Variants in KCNIP4 observed in about 807,000 individuals in gnomAD.
The protein encoded by KCNIP4 is Kv channel-interacting protein 4.
KCNIP4 carries 12 observed loss-of-function variants against 34.0 expected under a neutral mutation model. The ratio of observed to expected loss-of-function variants is 0.35; its 90% confidence interval spans 0.23 to 0.57. The LOEUF (loss-of-function observed/expected upper bound fraction) is 0.57, where lower values mean the gene tolerates loss of function less well. Among genes scored for constraint, KCNIP4 ranks in the 20% least tolerant of loss-of-function variants. The pLI, the probability that KCNIP4 is intolerant of heterozygous loss-of-function variation, is 0.83. For synonymous variants in KCNIP4, 124 were observed against 102.2 expected, an observed-to-expected ratio of 1.21 and a Z score of -1.29; for missense variants, 238 against 311.7, an observed-to-expected ratio of 0.76 and a Z score of 1.78.
At chr4:21,434,348 A>C (rs1024948763) in intron 1 of KCNIP4, among the ~76,000 whole-genome samples, 1 of 152,210 alleles carries the variant, frequency 6.6e-6, no homozygotes, top group Non-Finnish European at 1.5e-5. Flanking sequence ...ATAAGGGACA[A>C]TTCTCATAAA....
intron 1 of KCNIP4, among the ~76,000 whole-genome samples, chr4:21,830,267 G>A (rs192953550): frequency 5.9e-4 from 90 of 152,188 alleles, no homozygotes; most frequent in Admixed American, 1.0e-3. Context: ...TATAAAAATG[G>A]CTCAATTCAT....
intron 1 of KCNIP4, among the ~76,000 whole-genome samples, chr4:20,884,738 C>T (rs1201529429): frequency 2.1e-5 from 3 of 145,692 alleles, no homozygotes; most frequent in Admixed American, 6.9e-5. Context: ...GACAGAGTCT[C>T]ACTCTGTTGC....
intron 1 of KCNIP4, among the ~76,000 whole-genome samples, chr4:21,828,920 T>C (rs1416265228): frequency 1.3e-5 from 2 of 151,898 alleles, no homozygotes; most frequent in African/African-American, 4.8e-5. Context: ...GAAATGGTGA[T>C]AAATACATGG....
intron 1 of KCNIP4, chr4:21,847,356 C>T (rs1724085018): frequency 6.6e-6 from 1 of 152,052 alleles, no homozygotes; most frequent in Admixed American, 6.6e-5. Context: ...CGTGGTAAAG[C>T]CATGTTATGG....
chr4:21,487,191 A>G (rs1256475178), intron 1 of KCNIP4, among the ~76,000 whole-genome samples: 1 of 152,008 alleles, frequency 6.6e-6, no homozygotes, highest in Non-Finnish European at 1.5e-5. Context: ...TTTAGTTGTC[A>G]TGTCTCCTTA....
chr4:21,938,171 A>T (rs185579289), intron 1 of KCNIP4, among the ~76,000 whole-genome samples: 146 of 152,172 alleles, frequency 9.6e-4, no homozygotes, highest in African/African-American at 3.3e-3. Context: ...ATTCATTCTC[A>T]TTCTCCAGTC....
intron 1 of KCNIP4, among the ~76,000 whole-genome samples, chr4:21,675,709 G>C (rs534102813): frequency 6.6e-6 from 1 of 152,148 alleles, no homozygotes; most frequent in Admixed American, 6.5e-5. Context: ...CTTATGAAAA[G>C]TAGAGAGTCA....
chr4:20,907,045 A>G (rs1042353711), intron 1 of KCNIP4, among the ~76,000 whole-genome samples: 2 of 152,202 alleles, frequency 1.3e-5, no homozygotes, highest in African/African-American at 2.4e-5. Flanking sequence ...CACACAATAC[A>G]TATTTGGCTT....
intron 1 of KCNIP4, among the ~76,000 whole-genome samples, chr4:21,004,333 C>T (rs1289511192): frequency 6.6e-6 from 1 of 152,068 alleles, no homozygotes. Flanking sequence ...AGTATATGGG[C>T]GACTCCCAAA....
At chr4:21,556,164 T>C (rs965567631) in intron 1 of KCNIP4, among the ~76,000 whole-genome samples, 3 of 152,156 alleles carry the variant, frequency 2.0e-5, no homozygotes, top group African/African-American at 4.8e-5. Flanking sequence ...GAGAATACTA[T>C]GGAATATTCA....
chr4:21,491,750 GTTTGT>G lies in KCNIP4; in HGVS notation c.61+456816_61+456820del, dbSNP rs1732417632. Among the ~76,000 whole-genome samples the G allele has an allele frequency of 2.0e-5, 3 of 152,096 alleles. No individual in the cohort carries two copies. In the South Asian group the frequency reaches 6.2e-4, roughly 32 times the overall value. The stretch of plus-strand genomic sequence containing the variant: ...GACAAACATCTACATTTTAAGGTTT[GTTTGT>G]TTTATCAGTGTTGGCCTCAACTAAT... On this transcript the variant is annotated intron_variant, in intron 1 of 8. Coordinates refer to ENST00000382152, the MANE Select transcript of KCNIP4 (RefSeq NM_025221.6).
At chr4:20,748,593 T>TATGGA (rs1560431201) in intron 5 of KCNIP4, among the ~76,000 whole-genome samples, 1 of 107,498 alleles carries the variant, frequency 9.3e-6, no homozygotes, top group Non-Finnish European at 2.0e-5. Flanking sequence ...TATATATATA[T>TATGGA]ATATATATAT....
At chr4:21,208,018 T>G (rs1412147620) in intron 1 of KCNIP4, among the ~76,000 whole-genome samples, 1 of 151,860 alleles carries the variant, frequency 6.6e-6, no homozygotes, top group Non-Finnish European at 1.5e-5. Context: ...AATTTTTGTA[T>G]TTTTTGTAGA....
intron 1 of KCNIP4, among the ~76,000 whole-genome samples, chr4:21,348,973 A>C (rs1263140529): frequency 6.6e-6 from 1 of 152,158 alleles, no homozygotes; most frequent in Admixed American, 6.5e-5. Flanking sequence ...CTTCTGCCTG[A>C]GAGAATTGGC....
At chr4:20,993,200 A>T (rs923436867) in intron 1 of KCNIP4, among the ~76,000 whole-genome samples, 1 of 152,088 alleles carries the variant, frequency 6.6e-6, no homozygotes, top group Non-Finnish European at 1.5e-5. Flanking sequence ...CCATTAGTCC[A>T]GTTCTCTTTC....
intron 1 of KCNIP4, among the ~76,000 whole-genome samples, chr4:21,435,115 A>G (rs1462016160): frequency 1.3e-5 from 2 of 152,196 alleles, no homozygotes; most frequent in Admixed American, 6.5e-5. Flanking sequence ...TGGCCCTTTC[A>G]AAGCACAGAG....
chr4:21,864,221 T>C (rs1461554881), intron 1 of KCNIP4, among the ~76,000 whole-genome samples: 1 of 152,256 alleles, frequency 6.6e-6, no homozygotes, highest in Non-Finnish European at 1.5e-5. Context: ...TCTTAGTTAA[T>C]TTCCATGGAT....
At chr4:20,955,236 C>T (rs1733177364) in intron 1 of KCNIP4, among the ~76,000 whole-genome samples, 1 of 152,170 alleles carries the variant, frequency 6.6e-6, no homozygotes, top group Non-Finnish European at 1.5e-5. Flanking sequence ...TAATACAACC[C>T]TTTCTTAAAC....
chr4:21,069,088 A>C (rs567289807), intron 1 of KCNIP4, among the ~76,000 whole-genome samples: 60 of 152,332 alleles, frequency 3.9e-4, no homozygotes, highest in Non-Finnish European at 7.1e-4. Context: ...GGATTAAATA[A>C]ATAAATTGCT....
Sources: gnomAD v4.1 joint callset for allele counts (sites outside exome capture counted in the v4.1 genomes callset) on GRCh38, gnomAD v4.1.1 for gene constraint, MANE v1.5 for transcripts, NCBI Gene and HGNC (gene_info 2026-07-23, HGNC 2026-07-21) for gene names.